The following CDH3 variants were observed in gnomAD, a reference collection of about 807,000 sequenced individuals.
CDH3 encodes cadherin-3.
A neutral mutation model predicts 82.0 loss-of-function variants in CDH3; 54 were observed. The ratio of observed to expected loss-of-function variants is 0.66; its 90% CI spans 0.53 to 0.83. The LOEUF (loss-of-function observed/expected upper bound fraction) is 0.83, where lower values mean the gene tolerates loss of function less well. Among genes scored for constraint, CDH3 ranks in the 40% least tolerant of loss-of-function variants. The pLI, the probability that CDH3 is intolerant of heterozygous loss-of-function variation, is 0.00. For missense variants in CDH3, 1,054 were observed against 1,084.6 expected (o/e 0.97, Z 0.40); for synonymous variants, 446 against 437.9 (o/e 1.02, Z -0.23).
Position 68,687,736 on chromosome 16 carries a change from G to C in CDH3, c.1795G>C (p.Gly599Arg). ...IYWTAEVNEE[G>R]DTVVLSLKKF... ...CTGGACGGCAGAGGTCAACGAGGAA[G>C]GTACCTGAGTGAGTGGTGGTAGCGG... The change falls in exon 12 of 16, where the codon GGT becomes CGT. Residue 599 changes from glycine (G) to arginine (R), a missense_variant and splice_region_variant. Physicochemically the swap from Gly to Arg is moderately radical, Grantham distance 125. Transcript: ENST00000264012. 1 of 1,611,940 alleles carries C rather than the reference G, an allele frequency of 6.2e-7. No individual in the cohort carries two copies. Among genetic ancestry groups the C allele is most frequent in the Non-Finnish European group, 8.5e-7 (1 of 1,178,182 alleles).
chr16:68,702,907 T>C (rs887737135), downstream of CDH3, among the ~76,000 whole-genome samples: 2 of 151,006 alleles, frequency 1.3e-5, no homozygotes, highest in Non-Finnish European at 1.5e-5. Context: ...GGGTCAGGGG[T>C]ACCCAGAGAG....
Position 68,695,294 on chromosome 16 carries a change from G to C in CDH3, c.2042G>C (p.Arg681Pro), listed in dbSNP as rs758614807. 1 of 1,614,076 alleles carries C rather than the reference G, an allele frequency of 6.2e-7. No homozygotes were observed. The highest frequency in any genetic ancestry group is 8.5e-7 in the Non-Finnish European group (1 of 1,180,002). ...LVLLLLVRKKRKIKEPLLLPE... is the reference protein window; with the variant it reads ...LVLLLLVRKKPKIKEPLLLPE... ...CTGCTTTTGTTGGTGAGAAAGAAGC[G>C]GAAGATCAAGGAGCCCCTCCTACTC... The change falls in exon 14 of 16, where the codon CGG (arginine) becomes CCG (proline). Residue 681 changes from arginine to proline, a missense_variant. Physicochemically the swap from Arg to Pro is moderately radical, Grantham distance 103. Coordinates refer to ENST00000264012, the MANE Select transcript of CDH3 (RefSeq NM_001793.6).
chr16:68,688,669 C>T (rs1175499486), intron 12 of CDH3, among the ~76,000 whole-genome samples: 4 of 152,064 alleles, frequency 2.6e-5, no homozygotes, highest in Non-Finnish European at 5.9e-5. Flanking sequence ...CTCTGTCTCC[C>T]AGACTGGAGT....
At chr16:68,692,162 A>G (rs1418222768) in intron 13 of CDH3, among the ~76,000 whole-genome samples, 2 of 152,004 alleles carry the variant, frequency 1.3e-5, no homozygotes, top group African/African-American at 4.8e-5. Context: ...TCAGCCTCCC[A>G]AGTTCCTGGG....
chr16:68,659,697 AAAAT>A (rs1476054428), intron 2 of CDH3, among the ~76,000 whole-genome samples: 5 of 152,188 alleles, frequency 3.3e-5, no homozygotes, highest in African/African-American at 9.7e-5. Context: ...AAAAAACCAA[AAAAT>A]AAATAAAGAG....
At chr16:68,667,396 C>G (rs1430080022) in intron 2 of CDH3, among the ~76,000 whole-genome samples, 1 of 152,176 alleles carries the variant, frequency 6.6e-6, no homozygotes, top group Non-Finnish European at 1.5e-5. Flanking sequence ...TTTCCTTTTC[C>G]TCTAGTCAAA....
At chr16:68,695,965 GC>G in intron 15 of CDH3, 42 bp downstream of exon 15, 1 of 1,608,006 alleles carries the variant, frequency 6.2e-7, no homozygotes. Context: ...CTTTATTCAA[GC>G]CCAGCACCAG....
intron 1 of CDH3, among the ~76,000 whole-genome samples, chr16:68,708,894 C>T (rs1279977036): frequency 2.0e-5 from 3 of 152,160 alleles, no homozygotes; most frequent in South Asian, 2.1e-4. Context: ...CCACCCACCT[C>T]GGCCTCCCAA....
At chr16:68,711,291 A>G (rs1415864568) in intron 1 of CDH3, among the ~76,000 whole-genome samples, 3 of 152,084 alleles carry the variant, frequency 2.0e-5, no homozygotes, top group African/African-American at 4.8e-5. Context: ...CCTGGGCAAC[A>G]AAAGTGAAAC....
In CDH3 at chr16:68,699,907, T is replaced by C. The variant is rs186122634; in HGVS notation, c.*1507T>C. ...CACATGGTCCATGCAATCTGTTAGT[T>C]GGTAACAGCTACCATTTATTCAGTA... On this transcript the variant is annotated 3_prime_UTR_variant, in exon 16 of 16. Transcript: ENST00000264012. The C allele has an allele frequency of 4.6e-5, 7 of 152,336 alleles. No individual in the cohort carries two copies. Among genetic ancestry groups the C allele is most frequent in the Non-Finnish European group, 7.3e-5 (5 of 68,040 alleles). The allele number at this position is 152,336 out of a possible 1,614,324, so 9.4% of individuals were successfully genotyped here. A position where few individuals can be genotyped will look rare whatever the true frequency, so the allele number is the denominator to read the frequency against.
At chr16:68,703,478 G>A (rs1202362859), downstream of CDH3, among the ~76,000 whole-genome samples, 3 of 152,194 alleles carry the variant, frequency 2.0e-5, no homozygotes, top group Non-Finnish European at 4.4e-5. Context: ...TGTCCAGTTC[G>A]AAGCTTGCTG....
At chr16:68,663,532 C>T (rs574804479) in intron 2 of CDH3, among the ~76,000 whole-genome samples, 14 of 152,012 alleles carry the variant, frequency 9.2e-5, no homozygotes, top group Non-Finnish European at 2.1e-4. Context: ...CCACGCCTGG[C>T]CGAAAGTGAC....
downstream of CDH3, among the ~76,000 whole-genome samples, chr16:68,729,290 G>GT (rs1962259558): frequency 6.6e-6 from 1 of 152,192 alleles, no homozygotes; most frequent in South Asian, 2.1e-4. Flanking sequence ...GGGCGAAAAA[G>GT]TGAGACTCCG....
At chr16:68,698,051 A>G (rs1032408219) in intron 15 of CDH3, 140 bp from the exon 16 acceptor site, 3 of 795,460 alleles carry the variant, frequency 3.8e-6, no homozygotes, top group Non-Finnish European at 6.5e-6. Flanking sequence ...TGAATTCTGC[A>G]TGAATAACGC....
At chr16:68,705,862 G>C (rs904814500) in intron 1 of CDH3, among the ~76,000 whole-genome samples, 7 of 151,446 alleles carry the variant, frequency 4.6e-5, no homozygotes, top group African/African-American at 1.7e-4. Context: ...TCAAGAGATC[G>C]AGACCATTCT....
intron 15 of CDH3, among the ~76,000 whole-genome samples, chr16:68,697,371 T>C (rs1340394595): frequency 6.6e-6 from 1 of 151,946 alleles, no homozygotes; most frequent in Admixed American, 6.6e-5. Flanking sequence ...TCAACACATA[T>C]AGCAGTTGAA....
chr16:68,659,212 C>T (rs1371258544), intron 2 of CDH3, among the ~76,000 whole-genome samples: 2 of 152,042 alleles, frequency 1.3e-5, no homozygotes, highest in African/African-American at 4.8e-5. Flanking sequence ...CAGATTCAAA[C>T]CTAAGCAGAC....
chr16:68,708,398 A>G (rs1351633965), intron 1 of CDH3, among the ~76,000 whole-genome samples: 1 of 104,858 alleles, frequency 9.5e-6, no homozygotes, highest in East Asian at 2.6e-4. Context: ...AAAACGCTGA[A>G]GTTTCACTCC....
At chr16:68,727,181 A>T (rs577865363) in exon 3 of CDH3, among the ~76,000 whole-genome samples, 1 of 152,242 alleles carries the variant, frequency 6.6e-6, no homozygotes, top group African/African-American at 2.4e-5. Flanking sequence ...CTGCCCTTAA[A>T]CATCAGAACT....
Sources: gnomAD v4.1 joint callset for allele counts (sites outside exome capture counted in the v4.1 genomes callset) on GRCh38, gnomAD v4.1.1 for gene constraint, MANE v1.5 for transcripts, NCBI Gene and HGNC (gene_info 2026-07-23, HGNC 2026-07-21) for gene names.